The following CNTN5 variants were observed in gnomAD, a reference collection of about 807,000 sequenced individuals.
CNTN5 encodes the protein contactin-5.
In CNTN5, 77 loss-of-function variants were observed where a neutral mutation model predicts 129.1. The observed-to-expected ratio is 0.60, with a 90% CI of 0.50 to 0.72. The LOEUF is 0.72. CNTN5 is among the 30% of genes least tolerant of loss of function. The pLI is 0.00. For synonymous variants in CNTN5, 509 were observed against 465.6 expected, an observed-to-expected ratio of 1.09 and a Z score of -1.20; for missense variants, 1,478 against 1,328.8, an observed-to-expected ratio of 1.11 and a Z score of -1.75.
intron 3 of CNTN5, among the ~76,000 whole-genome samples, chr11:99,703,060 T>C (rs138983634): frequency 6.6e-6 from 1 of 151,026 alleles, no homozygotes; most frequent in Admixed American, 6.6e-5. Flanking sequence ...TTTTCTTCTA[T>C]ATAATAAATG....
chr11:99,451,385 C>A (rs1040342299), intron 2 of CNTN5, among the ~76,000 whole-genome samples: 1 of 152,016 alleles, frequency 6.6e-6, no homozygotes, highest in Non-Finnish European at 1.5e-5. Context: ...AAAAAATATA[C>A]AAATAGTACA....
intron 3 of CNTN5, among the ~76,000 whole-genome samples, chr11:99,667,671 C>T (rs1355529412): frequency 6.6e-6 from 1 of 152,140 alleles, no homozygotes; most frequent in Non-Finnish European, 1.5e-5. Context: ...TGGAAGCCAT[C>T]ATCCTCGGCA....
chr11:100,083,470 G>A (rs541612544), intron 13 of CNTN5, among the ~76,000 whole-genome samples: 6 of 152,108 alleles, frequency 3.9e-5, no homozygotes, highest in African/African-American at 1.2e-4. Flanking sequence ...CTTCCTACCA[G>A]GCCCCATCTC....
At chr11:100,263,754 C>A (rs1008398793) in intron 17 of CNTN5, among the ~76,000 whole-genome samples, 2 of 152,142 alleles carry the variant, frequency 1.3e-5, no homozygotes, top group Admixed American at 6.6e-5. Context: ...CAGCTTAAAT[C>A]TTTGGCTCTG....
At chr11:100,087,063 A>G (rs953893677) in intron 13 of CNTN5, among the ~76,000 whole-genome samples, 4 of 151,738 alleles carry the variant, frequency 2.6e-5, no homozygotes, top group African/African-American at 7.2e-5. Context: ...GAAGATTGGT[A>G]AAGTCAAATA....
intron 1 of CNTN5, among the ~76,000 whole-genome samples, chr11:99,191,531 G>A (rs76203975): frequency 0.022 from 3,356 of 151,650 alleles, 64 homozygotes; most frequent in African/African-American, 0.054. Flanking sequence ...TCTTAAGTGC[G>A]CACAGAACAT....
intron 8 of CNTN5, among the ~76,000 whole-genome samples, chr11:99,997,974 T>C (rs1939570893): frequency 6.6e-6 from 1 of 152,164 alleles, no homozygotes. Context: ...CTAAAAACTC[T>C]CAATAAATTA....
In CNTN5 at chr11:99,199,251, G is replaced by A. The variant is rs562040269; in HGVS notation, c.-209-126095G>A. On this transcript the variant is annotated intron_variant, in intron 1 of 24. Coordinates refer to ENST00000524871, the MANE Select transcript of CNTN5 (RefSeq NM_014361.4). ...AAATGAAGAAACAAAAGACAAATGC[G>A]ACTCAGGATTCCAGTGTGGGAGCTA... is the stretch of plus-strand genomic sequence containing the variant. Among the ~76,000 whole-genome samples, 4 of 152,154 alleles carry A rather than the reference G, an allele frequency of 2.6e-5. No homozygotes were observed. In the South Asian group the frequency reaches 8.3e-4, roughly 32 times the overall value.
chr11:99,820,479 C>G (rs1454481937), intron 4 of CNTN5, among the ~76,000 whole-genome samples: 2 of 152,310 alleles, frequency 1.3e-5, no homozygotes, highest in African/African-American at 4.8e-5. Flanking sequence ...AAATTAAAGA[C>G]TGCTCTACAG....
At chr11:99,335,302 G>A (rs767332836) in intron 2 of CNTN5, among the ~76,000 whole-genome samples, 6 of 151,928 alleles carry the variant, frequency 3.9e-5, no homozygotes, top group African/African-American at 1.5e-4. Context: ...TCTCTCTTCT[G>A]CCATACAGAA....
intron 1 of CNTN5, among the ~76,000 whole-genome samples, chr11:99,223,217 A>G (rs1172346251): frequency 6.6e-6 from 1 of 152,168 alleles, no homozygotes; most frequent in Non-Finnish European, 1.5e-5. Context: ...ATCTGTGTAC[A>G]TCAGAGAAAA....
At chr11:99,880,079 T>C (rs1471412467) in intron 6 of CNTN5, among the ~76,000 whole-genome samples, 4 of 152,228 alleles carry the variant, frequency 2.6e-5, no homozygotes, top group African/African-American at 9.6e-5. Flanking sequence ...TAATGCCAGA[T>C]TGAAGAAGTA....
intron 7 of CNTN5, among the ~76,000 whole-genome samples, chr11:99,941,586 A>ACACACACACACAC (rs1555163260): frequency 6.6e-6 from 1 of 151,904 alleles, no homozygotes; most frequent in Non-Finnish European, 1.5e-5. Flanking sequence ...ACACACACAC[A>ACACACACACACAC]AAGAGAAAGA....
At chr11:100,083,056 C>T (rs1004412677) in intron 13 of CNTN5, among the ~76,000 whole-genome samples, 4 of 151,990 alleles carry the variant, frequency 2.6e-5, no homozygotes, top group Admixed American at 6.6e-5. Flanking sequence ...TGGTTCACAC[C>T]GGTAATCCCA....
chr11:100,054,673 G>A (rs1943124419), intron 9 of CNTN5, among the ~76,000 whole-genome samples: 1 of 151,672 alleles, frequency 6.6e-6, no homozygotes, highest in African/African-American at 2.4e-5. Flanking sequence ...TATTTACTGT[G>A]TTGTTCTGTC....
At chr11:99,657,067 G>A (rs75964483) in intron 3 of CNTN5, among the ~76,000 whole-genome samples, 29 of 140,880 alleles carry the variant, frequency 2.1e-4, no homozygotes, top group East Asian at 2.1e-4. Flanking sequence ...CAAAAAATAA[G>A]AAAAAAAAAA....
chr11:99,727,421 C>T (rs1943388127), intron 3 of CNTN5, among the ~76,000 whole-genome samples: 1 of 150,324 alleles, frequency 6.7e-6, no homozygotes, highest in African/African-American at 2.5e-5. Flanking sequence ...CCTAAAATCT[C>T]TTTTGTTTCT....
intron 9 of CNTN5, among the ~76,000 whole-genome samples, chr11:100,011,585 C>A (rs1333470995): frequency 2.6e-5 from 4 of 152,106 alleles, no homozygotes; most frequent in African/African-American, 9.7e-5. Flanking sequence ...CATCTGAAAT[C>A]TTGTGGTGAG....
At chr11:99,535,644 G>A (rs1419637744) in intron 2 of CNTN5, among the ~76,000 whole-genome samples, 9 of 152,198 alleles carry the variant, frequency 5.9e-5, no homozygotes, top group African/African-American at 1.9e-4. Context: ...CTGATTTAGA[G>A]AGAAGTGTGG....
Sources: gnomAD v4.1 joint callset for allele counts (sites outside exome capture counted in the v4.1 genomes callset) on GRCh38, gnomAD v4.1.1 for gene constraint, MANE v1.5 for transcripts, NCBI Gene and HGNC (gene_info 2026-07-23, HGNC 2026-07-21) for gene names.